CNTN6: variants seen among roughly 807,000 people sequenced by gnomAD.
CNTN6 encodes contactin-6.
A neutral mutation model predicts 122.8 loss-of-function variants in CNTN6; 137 were observed. The observed-to-expected ratio is 1.12, with a 90% CI of 0.97 to 1.29. The LOEUF (loss-of-function observed/expected upper bound fraction) is 1.29, where lower values mean the gene tolerates loss of function less well. Ranked by LOEUF, CNTN6 falls within the 50% of genes most tolerant of loss-of-function variation. CNTN6 has a pLI of 0.00. For missense variants in CNTN6, 1,634 were observed against 1,223.4 expected (o/e 1.34, Z -5.01); for synonymous variants, 570 against 426.0 (o/e 1.34, Z -4.16).
intron 12 of CNTN6, among the ~76,000 whole-genome samples, chr3:1,371,447 T>A (rs1025686239): frequency 2.0e-5 from 3 of 152,124 alleles, no homozygotes; most frequent in African/African-American, 4.8e-5. Context: ...TCCAAATATT[T>A]GTCCAGGGCC....
intron 9 of CNTN6, among the ~76,000 whole-genome samples, chr3:1,326,725 A>C (rs1701595120): frequency 6.6e-6 from 1 of 151,936 alleles, no homozygotes; most frequent in African/African-American, 2.4e-5. Context: ...TGTTGTTTGG[A>C]AGCTGAATAT....
intron 2 of CNTN6, among the ~76,000 whole-genome samples, chr3:1,216,506 A>G (rs370126015): frequency 1.3e-5 from 2 of 152,206 alleles, no homozygotes; most frequent in African/African-American, 4.8e-5. Context: ...CACACATTTC[A>G]TTAGGCACTG....
intron 1 of CNTN6, among the ~76,000 whole-genome samples, chr3:1,140,252 A>G (rs779570438): frequency 8.5e-5 from 13 of 152,170 alleles, no homozygotes; most frequent in Admixed American, 2.6e-4. Flanking sequence ...GAGCATTTCT[A>G]TAAGATATAA....
chr3:1,331,422 A>C (rs1162548631), intron 11 of CNTN6, among the ~76,000 whole-genome samples: 1 of 152,034 alleles, frequency 6.6e-6, no homozygotes, highest in Admixed American at 6.6e-5. Context: ...CCCTCAAGAC[A>C]TAGGAACAGG....
At chr3:1,191,819 T>C (rs373448557) in intron 2 of CNTN6, among the ~76,000 whole-genome samples, 8 of 152,302 alleles carry the variant, frequency 5.3e-5, no homozygotes, top group South Asian at 2.1e-4. Context: ...ACACATCCAA[T>C]TGGCATTTGC....
intron 11 of CNTN6, among the ~76,000 whole-genome samples, chr3:1,348,829 C>T (rs754624765): frequency 5.2e-4 from 79 of 151,830 alleles, no homozygotes; most frequent in Non-Finnish European, 9.7e-4. Context: ...GCAAACAATA[C>T]CTAGCCCAGA....
chr3:1,313,148 C>A (rs1699629368), intron 7 of CNTN6, among the ~76,000 whole-genome samples: 1 of 151,860 alleles, frequency 6.6e-6, no homozygotes, highest in African/African-American at 2.4e-5. Context: ...ATTTTCTCTC[C>A]TAAGAGCAGC....
chr3:1,174,594 A>G (rs1575119783), intron 2 of CNTN6, among the ~76,000 whole-genome samples: 1 of 152,274 alleles, frequency 6.6e-6, no homozygotes, highest in East Asian at 1.9e-4. Flanking sequence ...CAAGATTATA[A>G]TTGTAGTACA....
chr3:1,296,168 T>C (rs1260225930), intron 6 of CNTN6, among the ~76,000 whole-genome samples: 1 of 152,170 alleles, frequency 6.6e-6, no homozygotes, highest in Non-Finnish European at 1.5e-5. Context: ...TTAATGAACA[T>C]ATGTTGCAGC....
At chr3:1,365,811 GAATT>G (rs1708140209) in intron 12 of CNTN6, among the ~76,000 whole-genome samples, 1 of 152,026 alleles carries the variant, frequency 6.6e-6, no homozygotes, top group South Asian at 2.1e-4. Context: ...ATAATATACA[GAATT>G]AATTACAGTT....
chr3:1,386,815 G>A (rs555887549), intron 20 of CNTN6, among the ~76,000 whole-genome samples: 22 of 143,014 alleles, frequency 1.5e-4, no homozygotes, highest in Admixed American at 7.6e-4. Context: ...TATACATGCC[G>A]TAGTCTAATT....
At chr3:1,221,845 T>C (rs1479068896) in intron 3 of CNTN6, among the ~76,000 whole-genome samples, 1 of 152,202 alleles carries the variant, frequency 6.6e-6, no homozygotes, top group Non-Finnish European at 1.5e-5. Context: ...AGTCTTGTTT[T>C]ACAGATGTGA....
chr3:1,348,069 G>GT (rs1219085938), intron 11 of CNTN6, among the ~76,000 whole-genome samples: 1 of 145,624 alleles, frequency 6.9e-6, no homozygotes, highest in Non-Finnish European at 1.5e-5. Context: ...ATGGAGTCCG[G>GT]TACAGTGCTA....
intron 4 of CNTN6, among the ~76,000 whole-genome samples, chr3:1,242,914 A>G (rs1158506230): frequency 7.3e-5 from 11 of 150,836 alleles, no homozygotes; most frequent in African/African-American, 2.4e-4. Context: ...TTATGGAGGC[A>G]AGGGAAACAG....
At chr3:1,372,512 A>G (rs374835257) in intron 13 of CNTN6, 38 bp downstream of exon 13, 5 of 1,508,880 alleles carry the variant, frequency 3.3e-6, no homozygotes, top group Non-Finnish European at 4.5e-6. Flanking sequence ...AATAAAATGA[A>G]TCAAGTCTTT....
chr3:1,164,553 T>C (rs1006495525), intron 2 of CNTN6, among the ~76,000 whole-genome samples: 1 of 152,232 alleles, frequency 6.6e-6, no homozygotes, highest in Non-Finnish European at 1.5e-5. Flanking sequence ...CAAATCACTA[T>C]ACTTTGGTTT....
intron 7 of CNTN6, among the ~76,000 whole-genome samples, chr3:1,316,028 A>ATAG (rs1407911079): frequency 1.3e-5 from 2 of 152,026 alleles, no homozygotes; most frequent in African/African-American, 2.4e-5. Flanking sequence ...TTTTGAAATG[A>ATAG]TAGTAATCAC....
intron 11 of CNTN6, among the ~76,000 whole-genome samples, chr3:1,346,759 C>G (rs943012540): frequency 8.5e-5 from 13 of 152,076 alleles, no homozygotes; most frequent in African/African-American, 3.1e-4. Context: ...AAATATTCCG[C>G]ATTAGTCTCG....
At chr3:1,313,024 G>C (rs953017643) in intron 7 of CNTN6, among the ~76,000 whole-genome samples, 1 of 123,092 alleles carries the variant, frequency 8.1e-6, no homozygotes, top group African/African-American at 6.2e-5. Flanking sequence ...CTGTTAATAT[G>C]CCATTTCAGT....
Sources: allele counts gnomAD v4.1 joint callset (sites outside exome capture counted in the v4.1 genomes callset), GRCh38; gene constraint gnomAD v4.1.1; transcripts MANE v1.5; gene names NCBI Gene and HGNC (gene_info 2026-07-23, HGNC 2026-07-21).